AP1M1: variants seen among roughly 807,000 people sequenced by gnomAD.
AP1M1 encodes the protein adaptor related protein complex 1 subunit mu 1.
AP1M1 carries 18 observed loss-of-function variants against 57.1 expected under a neutral mutation model. The ratio of observed to expected loss-of-function variants is 0.32; its 90% CI spans 0.22 to 0.47. AP1M1 has a LOEUF of 0.47. Ranked by LOEUF, AP1M1 falls within the 20% of genes least tolerant of loss-of-function variation. The probability of loss-of-function intolerance (pLI) is 1.00; values close to 1 mark genes in which losing one functional copy is unlikely to be tolerated. For missense variants in AP1M1, 362 were observed against 593.5 expected (o/e 0.61, Z 4.05); for synonymous variants, 241 against 237.9 (o/e 1.01, Z -0.12).
At chr19:16,212,691 G>T (rs930072250) in intron 5 of AP1M1, among the ~76,000 whole-genome samples, 3 of 152,118 alleles carry the variant, frequency 2.0e-5, no homozygotes, top group African/African-American at 7.2e-5. Flanking sequence ...GTGATGTTAG[G>T]TTGTTAATTT....
intron 4 of AP1M1, 115 bp downstream of exon 4, chr19:16,208,264 TC>T: frequency 1.7e-6 from 2 of 1,196,488 alleles, no homozygotes; most frequent in Non-Finnish European, 2.3e-6. Context: ...CCCACCTGCC[TC>T]CCACCTCCAG....
rs1247855617 is a variant in AP1M1 at position 16,221,702 on chromosome 19, T to C, written c.547-4719T>C. Among the ~76,000 whole-genome samples the C allele has an allele frequency of 2.0e-5, 3 of 152,240 alleles. No individual in the cohort carries two copies. In the East Asian group the frequency reaches 5.8e-4, roughly 29 times the overall value. ...ATATTTCGGTTAAAGTACAAGGACA[T>C]AGAATGTACATTATTTCTAACACTT... is the stretch of plus-strand genomic sequence containing the variant. On this transcript the variant is annotated intron_variant, in intron 5 of 11. Coordinates refer to ENST00000291439, the MANE Select transcript of AP1M1 (RefSeq NM_032493.4).
intron 2 of AP1M1, among the ~76,000 whole-genome samples, chr19:16,205,208 G>A (rs1240477136): frequency 6.6e-6 from 1 of 152,166 alleles, no homozygotes; most frequent in Non-Finnish European, 1.5e-5. Context: ...GGTGGCTGTG[G>A]TCTGAGCTCA....
chr19:16,223,960 C>T (rs1468183868), intron 5 of AP1M1, among the ~76,000 whole-genome samples: 1 of 152,216 alleles, frequency 6.6e-6, no homozygotes, highest in Admixed American at 6.5e-5. Context: ...TCATGCAGGT[C>T]ACTCAGGTCC....
In AP1M1 at chr19:16,241,650, G is replaced by T. The variant is rs1399216540; in HGVS notation, c.*7215G>T. The T allele has an allele frequency of 1.0e-5, 1 of 97,096 alleles. No individual in the cohort carries two copies. Among genetic ancestry groups the T allele is most frequent in the Non-Finnish European group, 3.0e-5 (1 of 33,464 alleles). The allele number at this position is 97,096 out of a possible 1,614,324, so 6.0% of individuals were successfully genotyped here. A position where few individuals can be genotyped will look rare whatever the true frequency, so the allele number is the denominator to read the frequency against. Reference sequence around the variant, plus strand: ...ACCAGTGGTTGGAAAAGGGTTGAAAGAAAACTTTTAACAGATTAATAGGAA... The same window carrying T: ...ACCAGTGGTTGGAAAAGGGTTGAAATAAAACTTTTAACAGATTAATAGGAA... On this transcript the variant is annotated 3_prime_UTR_variant, in exon 12 of 12. Transcript: ENST00000291439.
chr19:16,222,145 C>T (rs1260101134), intron 5 of AP1M1, among the ~76,000 whole-genome samples: 5 of 151,594 alleles, frequency 3.3e-5, no homozygotes, highest in Non-Finnish European at 7.4e-5. Flanking sequence ...TTTAAGTTCA[C>T]AGGTCCTTTG....
At position 16,198,063 on chromosome 19, in the gene AP1M1, G is replaced by A; in HGVS notation, c.37G>A (p.Gly13Ser). 6.2e-7 allele frequency: 1 copy of A among 1,602,818 alleles called. No homozygotes were observed. Among genetic ancestry groups the A allele is most frequent in the Non-Finnish European group, 8.5e-7 (1 of 1,177,840 alleles). ...ASAVYVLDLK[G>S]KVLICRNYRG... ...CGCCGTCTACGTGCTGGACCTGAAG[G>A]GCAAGGTACTGAGGGCTCCCCACCC... Residue 13 changes from glycine (G) to serine (S), a missense_variant, in exon 1 of 12, where the codon GGC (glycine) becomes AGC (serine). This residue lies in a region of AP1M1 where 337 missense variants were observed against 511.1 expected (regional missense o/e 0.66). Transcript: ENST00000291439.
At position 16,244,624 on chromosome 19, in the gene AP1M1, A is replaced by G. The variant is rs979114250; in HGVS notation, c.*10189A>G. 1 of 152,044 alleles carries G rather than the reference A, an allele frequency of 6.6e-6. No individual in the cohort carries two copies. Among genetic ancestry groups the G allele is most frequent in the East Asian group, 1.9e-4 (1 of 5,154 alleles). 9.4% of individuals were successfully genotyped at this position (152,044 alleles called of 1,614,324 possible). On this transcript the variant is annotated 3_prime_UTR_variant, in exon 12 of 12. Coordinates refer to ENST00000291439, the MANE Select transcript of AP1M1 (RefSeq NM_032493.4). ...GGCGGGCGGATCACGAGGTCAGGAG[A>G]TCGAGACCATCCTGGCTAACACGGT...
rs923686310 is a variant in AP1M1 at position 16,224,545 on chromosome 19, C to T, written c.547-1876C>T. Among the ~76,000 whole-genome samples the T allele has an allele frequency of 4.6e-5, 7 of 152,354 alleles. No individual in the cohort carries two copies. The East Asian group carries it at 7.7e-4, about 17-fold the overall frequency. ...CCTGAGCAAGCATCCCTTCAGCACC[C>T]GCCCTGGGAAGGGCACCGGCTCTGC... On this transcript the variant is annotated intron_variant, in intron 5 of 11. Transcript: ENST00000291439.
chr19:16,204,982 C>T (rs1290710417), intron 2 of AP1M1, among the ~76,000 whole-genome samples: 1 of 152,112 alleles, frequency 6.6e-6, no homozygotes, highest in Non-Finnish European at 1.5e-5. Flanking sequence ...AGGCGCCCGC[C>T]ACCACGCCCA....
chr19:16,229,023 G>T, intron 9 of AP1M1, 95 bp downstream of exon 9: 1 of 1,413,478 alleles, frequency 7.1e-7, no homozygotes, highest in Non-Finnish European at 9.7e-7. Flanking sequence ...AAGATGGGGT[G>T]ACAGTGGCCA....
rs1329099243 is a variant in AP1M1 at position 16,237,116 on chromosome 19, A to G, written c.*2681A>G. Reference sequence around the variant, plus strand: ...CAAAATGGGCTGTGTGTGAACAGACAGTATGAAGAAGATGAAATACAAATG... The same window carrying G: ...CAAAATGGGCTGTGTGTGAACAGACGGTATGAAGAAGATGAAATACAAATG... On this transcript the variant is annotated 3_prime_UTR_variant, in exon 12 of 12. Transcript: ENST00000291439. The G allele has an allele frequency of 6.6e-6, 1 of 152,260 alleles. No homozygotes were observed. Among genetic ancestry groups the G allele is most frequent in the Non-Finnish European group, 1.5e-5 (1 of 68,042 alleles). The allele number at this position is 152,260 out of a possible 1,614,324, so 9.4% of individuals were successfully genotyped here.
Position 16,235,209 on chromosome 19 carries a change from C to A in AP1M1, c.*774C>A, listed in dbSNP as rs756724493. On this transcript the variant is annotated 3_prime_UTR_variant, in exon 12 of 12. Coordinates refer to ENST00000291439, the MANE Select transcript of AP1M1 (RefSeq NM_032493.4). The stretch of plus-strand genomic sequence containing the variant: ...GGGAGGTGGGGTTTGGTGAGAGACG[C>A]CAGCCTCAGACTTTTTCCCACTGAG... 1 of 152,262 alleles carries A rather than the reference C, an allele frequency of 6.6e-6. No homozygotes were observed. Among genetic ancestry groups the A allele is most frequent in the African/African-American group, 2.4e-5 (1 of 41,448 alleles). The allele number at this position is 152,262 out of a possible 1,614,324, so 9.4% of individuals were successfully genotyped here.
chr19:16,228,039 G>A lies in AP1M1; in HGVS notation c.817-98G>A. ...CTGCAGGGCTCTGGGCCCACACCTG[G>A]GCAGATGGTCCCTTGCCCTGGGCCT... is the stretch of plus-strand genomic sequence containing the variant. On this transcript the variant is annotated intron_variant, in intron 7 of 11. Transcript: ENST00000291439. The surrounding 1 kb of genome is among the most constrained non-coding windows in gnomAD (Gnocchi z 5.0). The A allele has an allele frequency of 7.9e-7, 1 of 1,270,110 alleles. No individual in the cohort carries two copies. The allele number at this position is 1,270,110 out of a possible 1,614,324, so 78.7% of individuals were successfully genotyped here. A position where few individuals can be genotyped will look rare whatever the true frequency, so the allele number is the denominator to read the frequency against.
chr19:16,201,392 T>C (rs1161377166), intron 1 of AP1M1, among the ~76,000 whole-genome samples: 1 of 129,824 alleles, frequency 7.7e-6, no homozygotes, highest in African/African-American at 3.0e-5. Context: ...GGATTTCTTT[T>C]TTTTTTTTTT....
rs1555726565 is a variant in AP1M1 at position 16,243,432 on chromosome 19, C to CCT, written c.*8997_*8998insCT. The CCT allele has an allele frequency of 8.0e-6, 1 of 124,266 alleles. No individual in the cohort carries two copies. Among genetic ancestry groups the CCT allele is most frequent in the Non-Finnish European group, 1.6e-5 (1 of 60,832 alleles). The allele number at this position is 124,266 out of a possible 1,614,324, so 7.7% of individuals were successfully genotyped here. ...TACAGGTGAGCACCACCAAGCTCAGCTATTTTTTTTTTTTTTTTGTATTTT... is the reference window on the plus strand; with the variant it reads ...TACAGGTGAGCACCACCAAGCTCAGCCTTATTTTTTTTTTTTTTTTGTATTTT... On this transcript the variant is annotated 3_prime_UTR_variant, in exon 12 of 12. Transcript: ENST00000291439.
At chr19:16,208,210 T>G in intron 4 of AP1M1, 61 bp downstream of exon 4, 5 of 1,531,868 alleles carry the variant, frequency 3.3e-6, no homozygotes, top group Non-Finnish European at 4.4e-6. Flanking sequence ...ATCGACGTCA[T>G]CAGGTGTGGA....
chr19:16,207,350 C>T lies in AP1M1; in HGVS notation c.268-669C>T, dbSNP rs1038353945. On this transcript the variant is annotated intron_variant, in intron 3 of 11. Coordinates refer to ENST00000291439, the MANE Select transcript of AP1M1 (RefSeq NM_032493.4). The surrounding 1 kb of genome is among the most constrained non-coding windows in gnomAD (Gnocchi z 4.2). ...AGGCCAAGGGCTGCCTTCACTGGAC[C>T]GGTGATGCTGTCACAGGCAGGGCTG... 9.2e-5 allele frequency among the ~76,000 whole-genome samples: 14 copies of T among 152,060 alleles called. No homozygotes were observed. The highest frequency in any genetic ancestry group is 5.8e-4 in the East Asian group (3 of 5,156).
chr19:16,230,257 C>T (rs549629302), intron 9 of AP1M1, among the ~76,000 whole-genome samples: 2 of 152,150 alleles, frequency 1.3e-5, no homozygotes, highest in Admixed American at 6.5e-5. Flanking sequence ...GGCAACCCTG[C>T]GTTGAGCAAG....
Sources: allele counts gnomAD v4.1 joint callset (sites outside exome capture counted in the v4.1 genomes callset), GRCh38; gene constraint gnomAD v4.1.1; regional missense constraint gnomAD v4.1.1; non-coding constraint Gnocchi (gnomAD v3.1); transcripts MANE v1.5; gene names NCBI Gene and HGNC (gene_info 2026-07-23, HGNC 2026-07-21).